CCDC126: variants seen among roughly 807,000 people sequenced by gnomAD.
The protein encoded by CCDC126 is coiled-coil domain containing 126.
CCDC126 carries 5 observed loss-of-function variants against 11.7 expected under a neutral mutation model. The ratio of observed to expected loss-of-function variants is 0.43; its 90% CI spans 0.22 to 0.90. The LOEUF is 0.90. CCDC126 is among the 40% of genes least tolerant of loss of function. The pLI, the probability that CCDC126 is intolerant of heterozygous loss-of-function variation, is 0.27. For synonymous variants in CCDC126, 60 were observed against 61.9 expected (o/e 0.97, Z 0.14); for missense variants, 150 against 163.1 (o/e 0.92, Z 0.44).
At chr7:23,617,348 CAAAAAAAAAAA>C (rs35391703) in intron 3 of CCDC126, among the ~76,000 whole-genome samples, 2 of 36,238 alleles carry the variant, frequency 5.5e-5, no homozygotes, top group Admixed American at 3.8e-4. Flanking sequence ...ATGCTGTCTC[CAAAAAAAAAAA>C]AAAAAAAAAA....
At chr7:23,620,185 T>C (rs1476145001) in intron 3 of CCDC126, among the ~76,000 whole-genome samples, 1 of 152,204 alleles carries the variant, frequency 6.6e-6, no homozygotes, top group South Asian at 2.1e-4. Context: ...TGAACTAGTT[T>C]ACAGTCCCAC....
chr7:23,622,766 T>C, intron 3 of CCDC126: 1 of 507,680 alleles, frequency 2.0e-6, no homozygotes, highest in Non-Finnish European at 3.9e-6. Flanking sequence ...TCATGTACAT[T>C]TCTAACCATA....
At chr7:23,637,182 C>T (rs867288332) in intron 3 of CCDC126, among the ~76,000 whole-genome samples, 1,828 of 52,818 alleles carry the variant, frequency 0.035, 48 homozygotes, top group African/African-American at 0.16. Flanking sequence ...GCCCGGCCAG[C>T]CGCCCCGTCC....
intron 3 of CCDC126, among the ~76,000 whole-genome samples, chr7:23,640,742 A>C (rs1025953169): frequency 1.3e-5 from 2 of 152,076 alleles, no homozygotes; most frequent in Non-Finnish European, 2.9e-5. Flanking sequence ...ACAATATTTG[A>C]TTTGATTGAT....
At chr7:23,637,487 T>G (rs1350744603) in intron 3 of CCDC126, among the ~76,000 whole-genome samples, 76 of 56,938 alleles carry the variant, frequency 1.3e-3, no homozygotes, top group South Asian at 1.8e-3. Context: ...GGTGGGGGGG[T>G]CAGCCCCCCG....
intron 2 of CCDC126, among the ~76,000 whole-genome samples, chr7:23,605,764 G>A (rs1163907674): frequency 3.9e-5 from 6 of 152,110 alleles, no homozygotes; most frequent in Non-Finnish European, 8.8e-5. Flanking sequence ...GAATAATGCT[G>A]CAATGAACAC....
chr7:23,633,000 C>CT (rs922035087), intron 3 of CCDC126, among the ~76,000 whole-genome samples: 26 of 151,194 alleles, frequency 1.7e-4, no homozygotes, highest in Admixed American at 9.9e-4. Context: ...CCTTGCAGTC[C>CT]TTTTTTTTTG....
chr7:23,640,991 G>GT (rs754297249), intron 3 of CCDC126, among the ~76,000 whole-genome samples: 20 of 110,968 alleles, frequency 1.8e-4, no homozygotes, highest in East Asian at 2.5e-4. Context: ...GAATCCTTTT[G>GT]GTTTTTTTTT....
chr7:23,640,112 G>C (rs1286052125), intron 3 of CCDC126, among the ~76,000 whole-genome samples: 1 of 152,048 alleles, frequency 6.6e-6, no homozygotes, highest in Non-Finnish European at 1.5e-5. Context: ...GAACCTGGGA[G>C]GTGGAGGTTG....
At chr7:23,616,918 G>T (rs1178636108) in intron 3 of CCDC126, among the ~76,000 whole-genome samples, 1 of 151,970 alleles carries the variant, frequency 6.6e-6, no homozygotes, top group East Asian at 1.9e-4. Flanking sequence ...TGGGCTCTCT[G>T]GACTGTTGTC....
At chr7:23,614,546 G>A (rs1168266939) in intron 3 of CCDC126, among the ~76,000 whole-genome samples, 2 of 152,084 alleles carry the variant, frequency 1.3e-5, no homozygotes, top group Non-Finnish European at 2.9e-5. Flanking sequence ...ATTATTAATG[G>A]CATCTAGAAT....
chr7:23,639,359 A>AT (rs948806780), intron 3 of CCDC126, among the ~76,000 whole-genome samples: 10 of 151,932 alleles, frequency 6.6e-5, no homozygotes, highest in Non-Finnish European at 1.0e-4. Context: ...GCCTGGGCTA[A>AT]TTTTTTTGTA....
intron 3 of CCDC126, among the ~76,000 whole-genome samples, chr7:23,625,801 G>A (rs1376650011): frequency 1.3e-5 from 2 of 151,566 alleles, no homozygotes; most frequent in African/African-American, 2.4e-5. Flanking sequence ...GACTACAGGC[G>A]CCCGCCACCA....
chr7:23,618,281 C>T (rs1782828398), intron 3 of CCDC126, among the ~76,000 whole-genome samples: 1 of 152,182 alleles, frequency 6.6e-6, no homozygotes, highest in Non-Finnish European at 1.5e-5. Flanking sequence ...CTCCTCCCCT[C>T]CCTGGAAGTC....
Position 23,643,291 on chromosome 7 carries a change from A to G in CCDC126, c.*176A>G. ...TTCTGTACATAAAAATTTTAAAGTT[A>G]TTTGTTTGCTTTCAGGCAAGTCTGT... is the stretch of plus-strand genomic sequence containing the variant. On this transcript the variant is annotated 3_prime_UTR_variant, in exon 4 of 4. Coordinates refer to ENST00000307471, the MANE Select transcript of CCDC126 (RefSeq NM_138771.4). 1.7e-6 allele frequency: 1 copy of G among 584,174 alleles called. No homozygotes were observed. Among genetic ancestry groups the G allele is most frequent in the Non-Finnish European group, 2.8e-6 (1 of 351,818 alleles). 36.2% of individuals were successfully genotyped at this position (584,174 alleles called of 1,614,324 possible).
chr7:23,631,431 C>A (rs577488406), intron 3 of CCDC126, among the ~76,000 whole-genome samples: 32 of 152,236 alleles, frequency 2.1e-4, no homozygotes, highest in African/African-American at 7.5e-4. Context: ...TTGCCGCAAT[C>A]CACCCAATAT....
intron 3 of CCDC126, 103 bp from the exon 4 acceptor site, chr7:23,642,828 C>T (rs1159238939): frequency 3.3e-6 from 3 of 901,744 alleles, no homozygotes; most frequent in Admixed American, 2.5e-5. Flanking sequence ...GTACATTTTC[C>T]CTCAGATGAC....
chr7:23,598,722 T>C (rs1458510627), intron 2 of CCDC126, among the ~76,000 whole-genome samples: 4 of 152,366 alleles, frequency 2.6e-5, no homozygotes, highest in Middle Eastern at 3.4e-3. Flanking sequence ...TAAAATGTGT[T>C]GCAAAAATAC....
At chr7:23,627,978 A>G (rs1045065985) in intron 3 of CCDC126, among the ~76,000 whole-genome samples, 3 of 152,196 alleles carry the variant, frequency 2.0e-5, no homozygotes, top group African/African-American at 7.2e-5. Flanking sequence ...TCCAGCAAAA[A>G]TTTTCCTTAG....
Sources: gnomAD v4.1 joint callset for allele counts (sites outside exome capture counted in the v4.1 genomes callset) on GRCh38, gnomAD v4.1.1 for gene constraint, MANE v1.5 for transcripts, NCBI Gene and HGNC (gene_info 2026-07-23, HGNC 2026-07-21) for gene names.